SPMIP2: variants seen among roughly 807,000 people sequenced by gnomAD.
SPMIP2 encodes the protein sperm microtubule inner protein 2, also known as protein SPMIP2.
the SPMIP2 span, among the ~76,000 whole-genome samples, chr4:159,043,143 T>A: frequency 1.3e-5 from 2 of 152,092 alleles, no homozygotes; most frequent in Non-Finnish European, 2.9e-5. Flanking sequence ...CTATTTTCTA[T>A]CCCCTATCCA....
the SPMIP2 span, among the ~76,000 whole-genome samples, chr4:158,970,968 CCGTTACTCAG>C: frequency 6.6e-6 from 1 of 152,074 alleles, no homozygotes; most frequent in Admixed American, 6.6e-5. Flanking sequence ...AAAGAGGACC[CCGTTACTCAG>C]CAGTGCAGTG....
At chr4:158,988,739 C>A in the SPMIP2 span, among the ~76,000 whole-genome samples, 1 of 151,732 alleles carries the variant, frequency 6.6e-6, no homozygotes, top group African/African-American at 2.4e-5. Flanking sequence ...GAGTGTATCT[C>A]AAAATGAGAG....
the SPMIP2 span, among the ~76,000 whole-genome samples, chr4:159,029,846 C>T: frequency 6.6e-6 from 1 of 152,084 alleles, no homozygotes; most frequent in Non-Finnish European, 1.5e-5. Context: ...TCCTCCAATG[C>T]TAATGGACAA....
the SPMIP2 span, among the ~76,000 whole-genome samples, chr4:158,968,238 A>G: frequency 6.6e-6 from 1 of 152,200 alleles, no homozygotes; most frequent in Admixed American, 6.5e-5. Context: ...CATGGTGGCC[A>G]GGCTGGTCTT....
the SPMIP2 span, among the ~76,000 whole-genome samples, chr4:158,984,318 A>G: frequency 7.1e-6 from 1 of 141,382 alleles, no homozygotes; most frequent in Non-Finnish European, 1.5e-5. Flanking sequence ...CCCCAAATCC[A>G]CAGAATATAC....
the SPMIP2 span, among the ~76,000 whole-genome samples, chr4:159,079,473 C>A: frequency 8.8e-3 from 1,346 of 152,278 alleles, 25 homozygotes; most frequent in African/African-American, 0.031. Context: ...AAATAAATTT[C>A]TGTTTTTTAT....
the SPMIP2 span, among the ~76,000 whole-genome samples, chr4:159,001,770 A>G: frequency 6.6e-6 from 1 of 152,096 alleles, no homozygotes; most frequent in Non-Finnish European, 1.5e-5. Flanking sequence ...GTTTGATTCA[A>G]TGTCTTTGCT....
chr4:159,048,640 G>T, the SPMIP2 span, among the ~76,000 whole-genome samples: 810 of 150,758 alleles, frequency 5.4e-3, 4 homozygotes, highest in African/African-American at 0.018. Flanking sequence ...CAAGGATCCC[G>T]AATTGAAAAT....
At chr4:159,054,816 C>T in the SPMIP2 span, among the ~76,000 whole-genome samples, 5 of 151,154 alleles carry the variant, frequency 3.3e-5, no homozygotes, top group Non-Finnish European at 7.4e-5. Flanking sequence ...CCCAACCCCT[C>T]CCACCCTGCC....
the SPMIP2 span, among the ~76,000 whole-genome samples, chr4:158,933,674 A>C: frequency 1.3e-5 from 2 of 152,140 alleles, no homozygotes; most frequent in Non-Finnish European, 2.9e-5. Flanking sequence ...TTGGACTTGC[A>C]AAACTTTTTT....
chr4:158,934,811 GTCTT>G, the SPMIP2 span, among the ~76,000 whole-genome samples: 2 of 152,092 alleles, frequency 1.3e-5, no homozygotes, highest in Non-Finnish European at 2.9e-5. Flanking sequence ...GTCTCATTGT[GTCTT>G]TCTTTAAGCT....
At chr4:159,001,476 G>C in the SPMIP2 span, among the ~76,000 whole-genome samples, 1 of 152,102 alleles carries the variant, frequency 6.6e-6, no homozygotes, top group African/African-American at 2.4e-5. Context: ...GTACCCAATA[G>C]TTACTTTTTC....
At chr4:158,930,418 G>T in the SPMIP2 span, among the ~76,000 whole-genome samples, 82 of 152,010 alleles carry the variant, frequency 5.4e-4, 1 homozygote, top group Admixed American at 5.3e-3. Flanking sequence ...CATGTTGCCA[G>T]GCTGGTCTCA....
chr4:158,928,865 A>G, the SPMIP2 span, among the ~76,000 whole-genome samples: 1 of 151,728 alleles, frequency 6.6e-6, no homozygotes, highest in African/African-American at 2.4e-5. Context: ...AGCTGTTAAC[A>G]GTCACCGCGA....
At chr4:158,981,555 CA>C in the SPMIP2 span, among the ~76,000 whole-genome samples, 1 of 152,122 alleles carries the variant, frequency 6.6e-6, no homozygotes, top group South Asian at 2.1e-4. Flanking sequence ...CAATATTCAA[CA>C]TTCTTAAAGA....
chr4:158,893,143 A>G, the SPMIP2 span: 1 of 152,416 alleles, frequency 6.6e-6, no homozygotes, highest in African/African-American at 2.4e-5. Context: ...TGTAAAAGAA[A>G]GATAGTACCT....
At chr4:158,961,914 C>T in the SPMIP2 span, among the ~76,000 whole-genome samples, 1 of 151,814 alleles carries the variant, frequency 6.6e-6, no homozygotes, top group African/African-American at 2.4e-5. Flanking sequence ...GCCAATCATT[C>T]CTAAGAGTAA....
At chr4:158,998,140 T>C in the SPMIP2 span, among the ~76,000 whole-genome samples, 10 of 152,336 alleles carry the variant, frequency 6.6e-5, no homozygotes, top group South Asian at 2.1e-3. Flanking sequence ...ACAGAATTTA[T>C]GGGCACTGAA....
chr4:158,967,872 T>G, the SPMIP2 span, among the ~76,000 whole-genome samples: 1 of 152,140 alleles, frequency 6.6e-6, no homozygotes, highest in African/African-American at 2.4e-5. Flanking sequence ...GGAAAGAGGG[T>G]TTGGCTTGGT....
Sources: allele counts gnomAD v4.1 joint callset (sites outside exome capture counted in the v4.1 genomes callset), GRCh38; gene constraint gnomAD v4.1.1; transcripts MANE v1.5; gene names NCBI Gene and HGNC (gene_info 2026-07-23, HGNC 2026-07-21).